The following PDE1A variants were observed in gnomAD, a reference collection of about 807,000 sequenced individuals.
PDE1A encodes the protein dual specificity calcium/calmodulin-dependent 3',5'-cyclic nucleotide phosphodiesterase 1A.
A neutral mutation model predicts 61.7 loss-of-function variants in PDE1A; 35 were observed. That is an observed-to-expected ratio of 0.57 (90% CI 0.43 to 0.75). PDE1A has a LOEUF of 0.75. PDE1A is among the 30% of genes least tolerant of loss of function. The pLI is 0.00. For synonymous variants in PDE1A, 232 were observed against 213.2 expected, an observed-to-expected ratio of 1.09 and a Z score of -0.77; for missense variants, 597 against 630.6, an observed-to-expected ratio of 0.95 and a Z score of 0.57.
At chr2:182,163,461 T>C (rs1691494468), downstream of PDE1A, among the ~76,000 whole-genome samples, 1 of 152,144 alleles carries the variant, frequency 6.6e-6, no homozygotes, top group Non-Finnish European at 1.5e-5. Flanking sequence ...GATATTATGT[T>C]AATTGGACCT....
chr2:182,264,312 G>A (rs751038291), exon 2 of PDE1A: 13 of 1,605,826 alleles, frequency 8.1e-6, no homozygotes, highest in East Asian at 6.7e-5. Context: ...TTGTTTCATC[G>A]ATATAAACTG....
At chr2:182,589,386 T>C in the PDE1A span, among the ~76,000 whole-genome samples, 1 of 151,964 alleles carries the variant, frequency 6.6e-6, no homozygotes, top group Non-Finnish European at 1.5e-5. Context: ...CAATGAATAG[T>C]GTGCAAGTGT....
intron 1 of PDE1A, among the ~76,000 whole-genome samples, chr2:182,379,015 T>C (rs1700576316): frequency 6.6e-6 from 1 of 152,226 alleles, no homozygotes; most frequent in Non-Finnish European, 1.5e-5. Flanking sequence ...AATTTTATTT[T>C]TGACAAAACT....
chr2:182,472,679 A>C (rs1687103438), intron 2 of PDE1A, among the ~76,000 whole-genome samples: 1 of 151,882 alleles, frequency 6.6e-6, no homozygotes, highest in African/African-American at 2.4e-5. Flanking sequence ...CAATGTAGCA[A>C]AATTGCACTT....
the PDE1A span, among the ~76,000 whole-genome samples, chr2:182,695,010 T>A: frequency 8.9e-4 from 135 of 152,148 alleles, no homozygotes; most frequent in African/African-American, 3.1e-3. Flanking sequence ...ATTGTAAAAT[T>A]TTTTTAATTC....
chr2:182,490,964 G>C (rs1203917276), intron 2 of PDE1A, among the ~76,000 whole-genome samples: 1 of 152,176 alleles, frequency 6.6e-6, no homozygotes, highest in African/African-American at 2.4e-5. Context: ...AAAGTAGGAA[G>C]CAGGGGGGAA....
At chr2:182,225,750 A>AACTT (rs889387682) in intron 6 of PDE1A, among the ~76,000 whole-genome samples, 1 of 140,210 alleles carries the variant, frequency 7.1e-6, no homozygotes, top group African/African-American at 3.3e-5. Context: ...TTTTGCTAGG[A>AACTT]ACTTACTATG....
chr2:182,342,706 C>A (rs746359409), intron 1 of PDE1A, among the ~76,000 whole-genome samples: 1 of 152,104 alleles, frequency 6.6e-6, no homozygotes, highest in Non-Finnish European at 1.5e-5. Flanking sequence ...AAAACAAACA[C>A]ACACAAAAAA....
At chr2:182,266,925 T>C (rs1436671891) in intron 1 of PDE1A, among the ~76,000 whole-genome samples, 1 of 152,202 alleles carries the variant, frequency 6.6e-6, no homozygotes, top group Non-Finnish European at 1.5e-5. Context: ...GACTTGTTTC[T>C]GATGCAAGAA....
At chr2:182,221,297 T>C (rs1320302089) in intron 7 of PDE1A, among the ~76,000 whole-genome samples, 4 of 152,084 alleles carry the variant, frequency 2.6e-5, no homozygotes, top group Non-Finnish European at 5.9e-5. Flanking sequence ...CATTCACTGA[T>C]AACAAATCAC....
At chr2:182,411,123 T>C (rs1574589300) in intron 1 of PDE1A, among the ~76,000 whole-genome samples, 1 of 152,230 alleles carries the variant, frequency 6.6e-6, no homozygotes, top group Non-Finnish European at 1.5e-5. Context: ...AGAAGACCCT[T>C]TCATGTTCAC....
At chr2:182,148,104 A>G (rs1559115007) in intron 13 of PDE1A, among the ~76,000 whole-genome samples, 3 of 152,204 alleles carry the variant, frequency 2.0e-5, no homozygotes, top group Non-Finnish European at 4.4e-5. Context: ...TAGTCTCATT[A>G]CTTTCCTGAT....
At chr2:182,364,466 T>TAAAAAAAAAAAAAAAAACAAA (rs1699702107) in intron 1 of PDE1A, among the ~76,000 whole-genome samples, 1 of 35,840 alleles carries the variant, frequency 2.8e-5, no homozygotes. Context: ...AACACTTTGG[T>TAAAAAAAAAAAAAAAAACAAA]AAAAAAAAAA....
At chr2:182,343,198 G>A (rs754973267) in intron 1 of PDE1A, among the ~76,000 whole-genome samples, 1 of 152,112 alleles carries the variant, frequency 6.6e-6, no homozygotes, top group Non-Finnish European at 1.5e-5. Context: ...GCAAGGACAC[G>A]GTCAATTCAG....
At chr2:182,183,507 T>G (rs1170236809) in intron 13 of PDE1A, among the ~76,000 whole-genome samples, 2 of 152,158 alleles carry the variant, frequency 1.3e-5, no homozygotes, top group Admixed American at 1.3e-4. Flanking sequence ...AGCAAATAAT[T>G]CTGGTTACTT....
chr2:182,470,771 C>A (rs1274539038), intron 2 of PDE1A, among the ~76,000 whole-genome samples: 4 of 151,806 alleles, frequency 2.6e-5, no homozygotes, highest in Non-Finnish European at 5.9e-5. Context: ...TATACGAACA[C>A]AGTCATGGAG....
intron 1 of PDE1A, among the ~76,000 whole-genome samples, chr2:182,360,908 C>A (rs1433794585): frequency 1.3e-5 from 2 of 152,004 alleles, no homozygotes; most frequent in Admixed American, 6.6e-5. Flanking sequence ...AATCACTTAA[C>A]CTCCCTGAGC....
Position 182,249,347 on chromosome 2 carries a change from AT to A in PDE1A, c.168-9056del, listed in dbSNP as rs1284214872. Reference sequence around the variant, plus strand: ...TCTGCCCAAAATAAGGTAAAGGAACATACTGGGAAGAGCAGGGAATTCCAGG... The same window carrying A: ...TCTGCCCAAAATAAGGTAAAGGAACAACTGGGAAGAGCAGGGAATTCCAGG... On this transcript the variant is annotated intron_variant, in intron 2 of 13. Transcript: ENST00000351439. Among the ~76,000 whole-genome samples, 38 of 152,208 alleles carry A rather than the reference AT, an allele frequency of 2.5e-4. 1 individual carries two copies. Among genetic ancestry groups the A allele is most frequent in the Non-Finnish European group, 1.5e-5 (1 of 68,030 alleles).
intron 1 of PDE1A, among the ~76,000 whole-genome samples, chr2:182,273,598 G>C (rs1185768810): frequency 6.6e-6 from 1 of 152,048 alleles, no homozygotes; most frequent in Non-Finnish European, 1.5e-5. Flanking sequence ...AAAAGAGAAA[G>C]AGAAATATGA....
Sources: allele counts gnomAD v4.1 joint callset (sites outside exome capture counted in the v4.1 genomes callset), GRCh38; gene constraint gnomAD v4.1.1; transcripts MANE v1.5; gene names NCBI Gene and HGNC (gene_info 2026-07-23, HGNC 2026-07-21).